NADK: variants seen among roughly 807,000 people sequenced by gnomAD.
The protein encoded by NADK is poly(P)/ATP NAD kinase.
NADK carries 22 observed loss-of-function variants against 49.8 expected under a neutral mutation model. The ratio of observed to expected loss-of-function variants is 0.44; its 90% CI spans 0.32 to 0.63. The LOEUF (loss-of-function observed/expected upper bound fraction) is 0.63, where lower values mean the gene tolerates loss of function less well. NADK is among the 30% of genes least tolerant of loss of function. NADK has a pLI of 0.06. For missense variants in NADK, 438 were observed against 609.4 expected (o/e 0.72, Z 2.96); for synonymous variants, 268 against 253.7 (o/e 1.06, Z -0.54).
chr1:1,753,811 C>T lies in NADK; in HGVS notation c.1102-162G>A, dbSNP rs142691637. Among the ~76,000 whole-genome samples the T allele has an allele frequency of 1.8e-4, 27 of 152,292 alleles. No individual in the cohort carries two copies. The East Asian group carries it at 5.0e-3, about 28-fold the overall frequency. On this transcript the variant is annotated intron_variant, in intron 10 of 11. Transcript: ENST00000341426. Reference sequence around the variant, plus strand: ...TACAGGCACCGGCCCAGCTCAGCACCGCCAGAGACCAACAATGGCAGAAAG... The same window carrying T: ...TACAGGCACCGGCCCAGCTCAGCACTGCCAGAGACCAACAATGGCAGAAAG...
At chr1:1,777,049 G>A (rs925285706) in intron 1 of NADK, among the ~76,000 whole-genome samples, 6 of 152,086 alleles carry the variant, frequency 3.9e-5, no homozygotes, top group Admixed American at 2.0e-4. Context: ...CCATAAACAC[G>A]CCTGGAGGAC....
chr1:1,774,361 G>A (rs190869685), intron 1 of NADK, among the ~76,000 whole-genome samples: 22 of 152,236 alleles, frequency 1.4e-4, no homozygotes, highest in Non-Finnish European at 2.5e-4. Context: ...TTCCCAAGTA[G>A]CTGGGACTAC....
At chr1:1,758,912 C>T (rs1645622508) in intron 3 of NADK, among the ~76,000 whole-genome samples, 2 of 152,204 alleles carry the variant, frequency 1.3e-5, no homozygotes, top group Admixed American at 6.5e-5. Flanking sequence ...GGCTGGGCCC[C>T]AGGGAAGGCA....
Position 1,753,619 on chromosome 1 carries a change from C to A in NADK, c.1132G>T (p.Ala378Ser). 1.2e-6 allele frequency: 2 copies of A among 1,612,450 alleles called. No individual in the cohort carries two copies. Among genetic ancestry groups the A allele is most frequent in the Non-Finnish European group, 1.7e-6 (2 of 1,179,218 alleles). The change falls in exon 11 of 12, where the codon GCA (alanine) becomes TCA (serine). Residue 378 changes from alanine to serine, a missense_variant. By Grantham distance (99) the Ala-to-Ser change is moderately conservative. Coordinates refer to ENST00000341426, the MANE Select transcript of NADK (RefSeq NM_023018.5). ...TTCCGTCCATCAAAGGACACCCATG[C>A]TGTGTTCCTTGCTTCAGGTGACAGC... ...IMLSPEARNT[A>S]WVSFDGRKRQ... is the part of the protein sequence containing the mutation.
intron 10 of NADK, 86 bp downstream of exon 10, chr1:1,753,965 G>A (rs1337135318): frequency 6.8e-6 from 10 of 1,468,568 alleles, no homozygotes; most frequent in South Asian, 1.3e-5. Flanking sequence ...GAGCCAGCAT[G>A]GCAGAGCGGG....
intron 1 of NADK, among the ~76,000 whole-genome samples, chr1:1,773,721 T>TGAGAGAGAGAGAGA (rs1646124631): frequency 7.3e-6 from 1 of 136,388 alleles, no homozygotes; most frequent in Admixed American, 7.2e-5. Context: ...TGTGTGTGTG[T>TGAGAGAGAGAGAGA]GTGTGTGTGA....
At chr1:1,771,610 C>A (rs1192438299) in intron 1 of NADK, among the ~76,000 whole-genome samples, 1 of 152,160 alleles carries the variant, frequency 6.6e-6, no homozygotes, top group African/African-American at 2.4e-5. Flanking sequence ...GAATTTTTGA[C>A]AGGTGCTGAG....
intron 1 of NADK, among the ~76,000 whole-genome samples, chr1:1,771,629 A>G (rs1423841340): frequency 6.6e-6 from 1 of 152,168 alleles, no homozygotes; most frequent in African/African-American, 2.4e-5. Flanking sequence ...AGGTGATTCA[A>G]CATGAGGAGG....
chr1:1,760,208 G>A (rs193024481), intron 3 of NADK, among the ~76,000 whole-genome samples: 103 of 152,298 alleles, frequency 6.8e-4, no homozygotes, highest in African/African-American at 2.2e-3. Context: ...AACAGGGGTC[G>A]GGCCCCCCGC....
rs575469851 is a variant in NADK, at chr1:1,762,751, C to G, written c.180-716G>C. Among the ~76,000 whole-genome samples, 3 of 145,516 alleles carry G rather than the reference C, an allele frequency of 2.1e-5. No homozygotes were observed. In the South Asian group the frequency reaches 6.6e-4, roughly 32 times the overall value. Reference sequence around the variant, plus strand: ...CAGCCTGGCTGAAAAAAGTGAAACTCTGTCTCAAAATGAATGAATGAATGA... The same window carrying G: ...CAGCCTGGCTGAAAAAAGTGAAACTGTGTCTCAAAATGAATGAATGAATGA... On this transcript the variant is annotated intron_variant, in intron 2 of 11. Transcript: ENST00000341426.
At chr1:1,772,764 G>A (rs1429336311) in intron 1 of NADK, among the ~76,000 whole-genome samples, 7 of 152,026 alleles carry the variant, frequency 4.6e-5, no homozygotes, top group East Asian at 1.9e-4. Context: ...CAAGGGCCGG[G>A]CATGGTGGCT....
chr1:1,754,197 A>G lies in NADK; in HGVS notation c.955T>C (p.Ser319Pro). Residue 319 changes from serine (S) to proline (P), a missense_variant, in exon 10 of 12, where the codon TCC becomes CCC. Coordinates refer to ENST00000341426, the MANE Select transcript of NADK (RefSeq NM_023018.5). This position sits in a 1 kb window ranked among gnomAD's most constrained non-coding sequence, Gnocchi z 4.3. ...TACGCCGTGCTGCCCGTCGGGGTGG[A>G]CACGATCACTCCTGACAGGGACAGG... ...TTVQGDGVIV[S>P]TPTGSTAYAA... The G allele has an allele frequency of 6.2e-7, 1 of 1,612,736 alleles. No homozygotes were observed.
chr1:1,760,781 G>C (rs1174143350), intron 3 of NADK, among the ~76,000 whole-genome samples: 6 of 152,048 alleles, frequency 3.9e-5, no homozygotes, highest in Admixed American at 1.3e-4. Context: ...CTGGGGAAGA[G>C]GCAATGAGGA....
chr1:1,763,766 T>TG (rs539965706), intron 2 of NADK, among the ~76,000 whole-genome samples: 3 of 152,252 alleles, frequency 2.0e-5, no homozygotes, highest in African/African-American at 7.2e-5. Context: ...AGGCTATGCT[T>TG]GGGCGTATTT....
At position 1,754,451 on chromosome 1, in the gene NADK, T is replaced by C; in HGVS notation, c.844-68A>G. ...GCACGGCTCGCAGACACCCTCCGTC[T>C]CACCCAGCCGGGCTCTCCGGAAGGT... On this transcript the variant is annotated intron_variant, in intron 8 of 11. Coordinates refer to ENST00000341426, the MANE Select transcript of NADK (RefSeq NM_023018.5). This position sits in a 1 kb window ranked among gnomAD's most constrained non-coding sequence, Gnocchi z 4.3. The C allele has an allele frequency of 6.2e-7, 1 of 1,607,604 alleles. No individual in the cohort carries two copies. Among genetic ancestry groups the C allele is most frequent in the Non-Finnish European group, 8.5e-7 (1 of 1,175,580 alleles).
chr1:1,755,028 G>A, intron 7 of NADK: 2 of 399,346 alleles, frequency 5.0e-6, no homozygotes, highest in South Asian at 5.6e-5. Context: ...CACCGTGTTG[G>A]CCAGGATGGT....
At chr1:1,758,548 G>A (rs1171224614) in intron 3 of NADK, 1 of 1,578,970 alleles carries the variant, frequency 6.3e-7, no homozygotes, top group East Asian at 2.3e-5. Context: ...GGTCCTGACT[G>A]TGCGCCCACA....
At chr1:1,771,476 T>C (rs1046662376) in intron 1 of NADK, among the ~76,000 whole-genome samples, 25 of 152,138 alleles carry the variant, frequency 1.6e-4, no homozygotes, top group Non-Finnish European at 8.8e-5. Flanking sequence ...GCTAAGTTCA[T>C]GACTTGTTGA....
At chr1:1,760,409 G>A (rs1645682984) in intron 3 of NADK, among the ~76,000 whole-genome samples, 1 of 152,232 alleles carries the variant, frequency 6.6e-6, no homozygotes, top group South Asian at 2.1e-4. Context: ...TTGCAGAGCA[G>A]CTCCTCGGAT....
Sources: gnomAD v4.1 joint callset for allele counts (sites outside exome capture counted in the v4.1 genomes callset) on GRCh38, gnomAD v4.1.1 for gene constraint, Gnocchi (gnomAD v3.1) non-coding constraint, MANE v1.5 for transcripts, NCBI Gene and HGNC (gene_info 2026-07-23, HGNC 2026-07-21) for gene names.